Variants in GRID2 observed in about 807,000 individuals in gnomAD.
GRID2 encodes glutamate ionotropic receptor delta type subunit 2.
GRID2 carries 33 observed loss-of-function variants against 114.8 expected under a neutral mutation model. That is an observed-to-expected ratio of 0.29 (90% CI 0.22 to 0.38). The LOEUF is 0.38. Ranked by LOEUF, GRID2 falls within the 10% of genes least tolerant of loss-of-function variation. The pLI, the probability that GRID2 is intolerant of heterozygous loss-of-function variation, is 1.00. For missense variants in GRID2, 1,184 were observed against 1,257.7 expected (o/e 0.94, Z 0.89); for synonymous variants, 505 against 449.9 (o/e 1.12, Z -1.55).
At chr4:93,161,070 G>T (rs1006862573) in intron 4 of GRID2, among the ~76,000 whole-genome samples, 1 of 151,704 alleles carries the variant, frequency 6.6e-6, no homozygotes, top group Non-Finnish European at 1.5e-5. Context: ...GGACTGTAGC[G>T]GTAGCATATC....
chr4:92,470,807 A>G (rs957456371), intron 1 of GRID2, among the ~76,000 whole-genome samples: 1 of 152,000 alleles, frequency 6.6e-6, no homozygotes, highest in East Asian at 1.9e-4. Flanking sequence ...ATACATAGTC[A>G]TTATCTCTTT....
intron 4 of GRID2, among the ~76,000 whole-genome samples, chr4:93,143,603 A>C (rs916547155): frequency 5.3e-5 from 8 of 152,208 alleles, no homozygotes; most frequent in Non-Finnish European, 8.8e-5. Context: ...ACACTATTAC[A>C]TTCCACTTTA....
intron 2 of GRID2, among the ~76,000 whole-genome samples, chr4:92,624,116 A>C (rs1290739828): frequency 6.6e-6 from 1 of 151,828 alleles, no homozygotes; most frequent in Non-Finnish European, 1.5e-5. Flanking sequence ...TAATTAAATA[A>C]ATTATGTTCC....
At chr4:93,044,162 A>G (rs959845939) in intron 2 of GRID2, among the ~76,000 whole-genome samples, 2 of 152,042 alleles carry the variant, frequency 1.3e-5, no homozygotes, top group Admixed American at 6.6e-5. Flanking sequence ...TGATCCTTTG[A>G]TTTAGACATG....
At chr4:92,711,293 T>A (rs1735235752) in intron 2 of GRID2, among the ~76,000 whole-genome samples, 1 of 152,216 alleles carries the variant, frequency 6.6e-6, no homozygotes, top group Non-Finnish European at 1.5e-5. Context: ...TTGAATGTGT[T>A]TTAACTGGGT....
At chr4:92,426,808 T>C (rs1290613159) in intron 1 of GRID2, among the ~76,000 whole-genome samples, 1 of 152,148 alleles carries the variant, frequency 6.6e-6, no homozygotes, top group Non-Finnish European at 1.5e-5. Flanking sequence ...TTTATTACTA[T>C]ATAAACCCTA....
chr4:93,535,046 C>T (rs933726000), intron 13 of GRID2, among the ~76,000 whole-genome samples: 8 of 151,888 alleles, frequency 5.3e-5, no homozygotes, highest in Middle Eastern at 3.2e-3. Flanking sequence ...GCTCTGGTAA[C>T]GACCATTCTA....
intron 2 of GRID2, among the ~76,000 whole-genome samples, chr4:92,963,109 A>G (rs1173593939): frequency 6.6e-6 from 1 of 151,996 alleles, no homozygotes; most frequent in Admixed American, 6.6e-5. Context: ...AATGCTAACA[A>G]TCTTCTGGGC....
intron 2 of GRID2, among the ~76,000 whole-genome samples, chr4:93,079,562 C>T (rs759911437): frequency 8.6e-5 from 13 of 151,900 alleles, no homozygotes; most frequent in Non-Finnish European, 1.8e-4. Context: ...CAGGTTTGAA[C>T]CCCAACTCTG....
chr4:93,526,430 T>C (rs972880103), intron 13 of GRID2, among the ~76,000 whole-genome samples: 1 of 152,210 alleles, frequency 6.6e-6, no homozygotes, highest in Non-Finnish European at 1.5e-5. Flanking sequence ...ACACCTACCA[T>C]AATTTAAAAA....
chr4:92,557,832 T>C (rs758068165), intron 1 of GRID2, among the ~76,000 whole-genome samples: 2 of 152,092 alleles, frequency 1.3e-5, no homozygotes, highest in Non-Finnish European at 2.9e-5. Flanking sequence ...TACACCTAAG[T>C]AGCTGAAGTA....
intron 8 of GRID2, among the ~76,000 whole-genome samples, chr4:93,330,340 C>G (rs567638833): frequency 6.6e-6 from 1 of 152,156 alleles, no homozygotes; most frequent in Non-Finnish European, 1.5e-5. Context: ...TTAGGAGACT[C>G]CATCTCTGCT....
chr4:92,820,876 TATA>T (rs1741239112), intron 2 of GRID2, among the ~76,000 whole-genome samples: 1 of 152,120 alleles, frequency 6.6e-6, no homozygotes. Flanking sequence ...CTTGTATCTG[TATA>T]ATATCAAATT....
At chr4:93,801,525 A>G (rs1002514792) in intron 1 of GRID2, among the ~76,000 whole-genome samples, 18 of 152,132 alleles carry the variant, frequency 1.2e-4, no homozygotes, top group Non-Finnish European at 1.8e-4. Flanking sequence ...TTTTTAATTT[A>G]CACAAATGGA....
chr4:93,706,551 T>C (rs888525823), intron 14 of GRID2, among the ~76,000 whole-genome samples: 1 of 152,228 alleles, frequency 6.6e-6, no homozygotes, highest in African/African-American at 2.4e-5. Flanking sequence ...CTACTGATTT[T>C]TGTATGTTGA....
intron 11 of GRID2, among the ~76,000 whole-genome samples, chr4:93,489,930 G>A (rs1003335294): frequency 6.6e-6 from 1 of 151,774 alleles, no homozygotes; most frequent in Non-Finnish European, 1.5e-5. Context: ...GTCAAGGTAG[G>A]GGGCTAGAAA....
intron 2 of GRID2, among the ~76,000 whole-genome samples, chr4:92,934,105 T>G (rs1447682738): frequency 6.6e-6 from 1 of 151,806 alleles, no homozygotes; most frequent in Non-Finnish European, 1.5e-5. Context: ...CTGAAATGCT[T>G]TTTTCCTACT....
At chr4:92,457,561 C>T (rs1721278980) in intron 1 of GRID2, among the ~76,000 whole-genome samples, 1 of 152,144 alleles carries the variant, frequency 6.6e-6, no homozygotes, top group African/African-American at 2.4e-5. Flanking sequence ...AGGGATGTCT[C>T]ATCCTGAGGA....
chr4:92,313,683 T>C (rs1725825302), intron 1 of GRID2, among the ~76,000 whole-genome samples: 1 of 151,914 alleles, frequency 6.6e-6, no homozygotes, highest in Non-Finnish European at 1.5e-5. Context: ...CTGGAAGCCA[T>C]GTGAGAAAAG....
Sources: allele counts gnomAD v4.1 joint callset (sites outside exome capture counted in the v4.1 genomes callset), GRCh38; gene constraint gnomAD v4.1.1; transcripts MANE v1.5; gene names NCBI Gene and HGNC (gene_info 2026-07-23, HGNC 2026-07-21).